RAB5B: variants seen among roughly 807,000 people sequenced by gnomAD.
RAB5B encodes the protein ras-related protein Rab-5B.
RAB5B carries 11 observed loss-of-function variants against 28.6 expected under a neutral mutation model. The observed-to-expected ratio is 0.38, with a 90% confidence interval of 0.24 to 0.64. The LOEUF (loss-of-function observed/expected upper bound fraction) is 0.64. Among genes scored for constraint, RAB5B ranks in the 30% least tolerant of loss-of-function variants. The pLI, the probability that RAB5B is intolerant of heterozygous loss-of-function variation, is 0.53. For missense variants in RAB5B, 169 were observed against 265.6 expected, an observed-to-expected ratio of 0.64 and a Z score of 2.53; for synonymous variants, 93 against 97.9, an observed-to-expected ratio of 0.95 and a Z score of 0.29.
At position 55,980,073 on chromosome 12, in the gene RAB5B, C is replaced by T. The variant is rs146506291; in HGVS notation, c.-93+5934C>T. 7.3e-4 allele frequency among the ~76,000 whole-genome samples: 111 copies of T among 152,152 alleles called. 2 individuals are homozygous for T. The highest frequency in any genetic ancestry group is 5.2e-3 in the Admixed American group (80 of 15,254). On this transcript the variant is annotated intron_variant, in intron 1 of 5. Transcript: ENST00000360299. Reference sequence around the variant, plus strand: ...AGTGCCGAGCTAGCCCTTTGCAGGACCCTAAAACCTGATCTAGTAACAGAA... The same window carrying T: ...AGTGCCGAGCTAGCCCTTTGCAGGATCCTAAAACCTGATCTAGTAACAGAA...
chr12:55,975,812 T>TG (rs1491427250), intron 1 of RAB5B, among the ~76,000 whole-genome samples: 10 of 143,374 alleles, frequency 7.0e-5, no homozygotes, highest in Non-Finnish European at 1.5e-4. Flanking sequence ...TTTTTTTTTT[T>TG]GAGACGGAGT....
At chr12:55,979,225 G>T (rs1175599234) in intron 1 of RAB5B, 1 of 152,074 alleles carries the variant, frequency 6.6e-6, no homozygotes, top group Non-Finnish European at 1.5e-5. Context: ...AAGTAGGGAC[G>T]GGCATTCCAA....
intron 1 of RAB5B, among the ~76,000 whole-genome samples, chr12:55,975,896 C>T (rs531129813): frequency 1.9e-4 from 29 of 148,964 alleles, no homozygotes; most frequent in South Asian, 8.6e-4. Flanking sequence ...GGACTACAGG[C>T]GTGCGCCACC....
intron 1 of RAB5B, among the ~76,000 whole-genome samples, chr12:55,976,102 G>T (rs1343150797): frequency 2.6e-5 from 4 of 152,112 alleles, no homozygotes; most frequent in African/African-American, 9.7e-5. Flanking sequence ...TTAAAATATG[G>T]AAGGTGTACA....
At chr12:55,990,915 TC>T in intron 4 of RAB5B, 111 bp downstream of exon 4, 1 of 1,351,504 alleles carries the variant, frequency 7.4e-7, no homozygotes, top group Non-Finnish European at 1.0e-6. Flanking sequence ...ATTGTCTCAT[TC>T]CCCAGTTCTA....
intron 1 of RAB5B, chr12:55,979,485 G>A (rs1187243100): frequency 6.6e-6 from 1 of 152,132 alleles, no homozygotes; most frequent in African/African-American, 2.4e-5. Context: ...GTATTTACTG[G>A]TTTCTGCTCT....
intron 1 of RAB5B, among the ~76,000 whole-genome samples, chr12:55,981,197 G>A (rs1889798553): frequency 6.6e-6 from 1 of 152,038 alleles, no homozygotes; most frequent in African/African-American, 2.4e-5. Context: ...CTGAGTAGCT[G>A]GGATTACAGG....
intron 1 of RAB5B, among the ~76,000 whole-genome samples, chr12:55,974,577 T>C (rs1298369891): frequency 2.6e-5 from 4 of 152,152 alleles, no homozygotes; most frequent in African/African-American, 7.2e-5. Context: ...GAGAGGTTCA[T>C]TGGAAGGGCC....
At position 55,994,906 on chromosome 12, in the gene RAB5B, A is replaced by G. The variant is rs1890242670; in HGVS notation, c.*2694A>G. 6.6e-6 allele frequency: 1 copy of G among 151,786 alleles called. No homozygotes were observed. The highest frequency in any genetic ancestry group is 2.4e-5 in the African/African-American group (1 of 41,276). 9.4% of individuals were successfully genotyped at this position (151,786 alleles called of 1,614,324 possible). ...ATCTAGTTTAGAAAATAGCCCTTCT[A>G]TTGCTATTTAATCACCCCTCTTCTA... On this transcript the variant is annotated 3_prime_UTR_variant, in exon 6 of 6. Coordinates refer to ENST00000360299, the MANE Select transcript of RAB5B (RefSeq NM_002868.4).
chr12:55,978,634 A>G (rs1393031436), intron 1 of RAB5B, among the ~76,000 whole-genome samples: 2 of 152,212 alleles, frequency 1.3e-5, no homozygotes, highest in Non-Finnish European at 2.9e-5. Flanking sequence ...ATGAGCACCT[A>G]CTAGGGATCA....
chr12:55,986,380 G>C (rs1223754567), intron 1 of RAB5B, among the ~76,000 whole-genome samples: 2 of 152,174 alleles, frequency 1.3e-5, no homozygotes, highest in Non-Finnish European at 2.9e-5. Flanking sequence ...CCGGGAGGCA[G>C]AGGTTGTGGT....
chr12:55,984,501 A>G (rs1012012868), intron 1 of RAB5B, among the ~76,000 whole-genome samples: 4 of 149,362 alleles, frequency 2.7e-5, no homozygotes, highest in African/African-American at 9.9e-5. Context: ...ATTTTTTGAG[A>G]CGGAGTCTCG....
At position 55,996,003 on chromosome 12, in the gene RAB5B, A is replaced by ATATATATATTTTTTT; in HGVS notation, c.*3792_*3793insATATATATTTTTTTT. 52 of 97,374 alleles carry ATATATATATTTTTTT rather than the reference A, an allele frequency of 5.3e-4. No individual in the cohort carries two copies. The highest frequency in any genetic ancestry group is 7.9e-4 in the Non-Finnish European group (40 of 50,466). 6.0% of individuals were successfully genotyped at this position (97,374 alleles called of 1,614,324 possible). A position where few individuals can be genotyped will look rare whatever the true frequency, so the allele number is the denominator to read the frequency against. ...TATATACATATATATATATATATAT[A>ATATATATATTTTTTT]TTTTTTTTTTAACAACTGGTAGGAT... On this transcript the variant is annotated 3_prime_UTR_variant, in exon 6 of 6. Transcript: ENST00000360299.
In RAB5B at chr12:55,986,911, C is replaced by CCTTTCCA; in HGVS notation, c.-50_-49insCTTTCCA. On this transcript the variant is annotated 5_prime_UTR_variant, in exon 2 of 6. Coordinates refer to ENST00000360299, the MANE Select transcript of RAB5B (RefSeq NM_002868.4). ...AATCCCCTCCCCTTCCCCCTCCCCC[C>CCTTTCCA]TTTACAGTATCCCCCTCCCTCCACC... is the stretch of plus-strand genomic sequence containing the variant. 6.6e-6 allele frequency: 5 copies of CCTTTCCA among 752,540 alleles called. No individual in the cohort carries two copies. The highest frequency in any genetic ancestry group is 2.9e-5 in the South Asian group (2 of 68,168). 46.6% of individuals were successfully genotyped at this position (752,540 alleles called of 1,614,324 possible). A position where few individuals can be genotyped will look rare whatever the true frequency, so the allele number is the denominator to read the frequency against.
At position 55,996,003 on chromosome 12, in the gene RAB5B, A is replaced by ATTTTTTTTTTTT. The variant is rs56291639; in HGVS notation, c.*3801_*3802insTTTTTTTTTTTT. 4.1e-5 allele frequency: 4 copies of ATTTTTTTTTTTT among 97,416 alleles called. No homozygotes were observed. The highest frequency in any genetic ancestry group is 5.9e-5 in the Non-Finnish European group (3 of 50,482). The allele number at this position is 97,416 out of a possible 1,614,324, so 6.0% of individuals were successfully genotyped here. Reference sequence around the variant, plus strand: ...TATATACATATATATATATATATATATTTTTTTTTTAACAACTGGTAGGAT... The same window carrying ATTTTTTTTTTTT: ...TATATACATATATATATATATATATATTTTTTTTTTTTTTTTTTTTTTAACAACTGGTAGGAT... On this transcript the variant is annotated 3_prime_UTR_variant, in exon 6 of 6. Transcript: ENST00000360299.
Position 55,991,460 on chromosome 12 carries a change from T to C in RAB5B, c.532+7T>C, listed in dbSNP as rs369567017. 1.6e-5 allele frequency: 26 copies of C among 1,608,536 alleles called. No homozygotes were observed. In the African/African-American group the frequency reaches 3.2e-4, roughly 20 times the overall value. On this transcript the variant is annotated splice_region_variant and intron_variant, in intron 5 of 5. Coordinates refer to ENST00000360299, the MANE Select transcript of RAB5B (RefSeq NM_002868.4). ...GATCTCTTCCTGGCAATAGGTAAGG[T>C]CAGAACATCCTGAGGTCCTCCTTTT...
rs927510293 is a variant in RAB5B, at chr12:55,994,543, TG to T, written c.*2333del. 3.3e-5 allele frequency: 5 copies of T among 152,440 alleles called. No individual in the cohort carries two copies. Among genetic ancestry groups the T allele is most frequent in the African/African-American group, 1.2e-4 (5 of 41,400 alleles). 9.4% of individuals were successfully genotyped at this position (152,440 alleles called of 1,614,324 possible). A position where few individuals can be genotyped will look rare whatever the true frequency, so the allele number is the denominator to read the frequency against. On this transcript the variant is annotated 3_prime_UTR_variant, in exon 6 of 6. Coordinates refer to ENST00000360299, the MANE Select transcript of RAB5B (RefSeq NM_002868.4). ...TATTTCCCAGCTCATTTTTTTCTTC[TG>T]GTCAGTTTTTTTAAGGGGGGGTGTT...
In RAB5B at chr12:55,995,564, T is replaced by G. The variant is rs1479589294; in HGVS notation, c.*3352T>G. The G allele has an allele frequency of 6.6e-6, 1 of 152,112 alleles. No individual in the cohort carries two copies. Among genetic ancestry groups the G allele is most frequent in the African/African-American group, 2.4e-5 (1 of 41,390 alleles). The allele number at this position is 152,112 out of a possible 1,614,324, so 9.4% of individuals were successfully genotyped here. A position where few individuals can be genotyped will look rare whatever the true frequency, so the allele number is the denominator to read the frequency against. Reference sequence around the variant, plus strand: ...TCAAACCCTTCAGTCCACCACAGTCTAAAGGTCGAGGGAAGGGAAATGAAA... The same window carrying G: ...TCAAACCCTTCAGTCCACCACAGTCGAAAGGTCGAGGGAAGGGAAATGAAA... On this transcript the variant is annotated 3_prime_UTR_variant, in exon 6 of 6. Coordinates refer to ENST00000360299, the MANE Select transcript of RAB5B (RefSeq NM_002868.4).
At position 55,992,510 on chromosome 12, in the gene RAB5B, C is replaced by T. The variant is rs11611579; in HGVS notation, c.*298C>T. On this transcript the variant is annotated 3_prime_UTR_variant, in exon 6 of 6. Transcript: ENST00000360299. The stretch of plus-strand genomic sequence containing the variant: ...ATTATAGGTACAAGACAGCGACTTA[C>T]GTATCTTTTCTCCTCCTCCCTAGTG... 1,770 of 547,152 alleles carry T rather than the reference C, an allele frequency of 3.2e-3. 12 individuals are homozygous for T. The highest frequency in any genetic ancestry group is 0.011 in the South Asian group (701 of 65,322). 33.9% of individuals were successfully genotyped at this position (547,152 alleles called of 1,614,324 possible).
Sources: allele counts gnomAD v4.1 joint callset (sites outside exome capture counted in the v4.1 genomes callset), GRCh38; gene constraint gnomAD v4.1.1; transcripts MANE v1.5; gene names NCBI Gene and HGNC (gene_info 2026-07-23, HGNC 2026-07-21).